The following SRGAP2 variants were observed in gnomAD, a reference collection of about 807,000 sequenced individuals.
The protein encoded by SRGAP2 is SLIT-ROBO Rho GTPase activating protein 2.
In SRGAP2, 15 loss-of-function variants were observed where a neutral mutation model predicts 57.2. The observed-to-expected ratio is 0.26, with a 90% confidence interval of 0.18 to 0.40. SRGAP2 has a LOEUF of 0.40. Ranked by LOEUF, SRGAP2 falls within the 10% of genes least tolerant of loss-of-function variation. SRGAP2 has a pLI of 1.00. For synonymous variants in SRGAP2, 249 were observed against 248.0 expected, an observed-to-expected ratio of 1.00 and a Z score of -0.04; for missense variants, 520 against 669.6, an observed-to-expected ratio of 0.78 and a Z score of 2.47.
At chr1:206,238,828 T>C (rs1262159737) in intron 2 of SRGAP2, among the ~76,000 whole-genome samples, 2 of 151,052 alleles carry the variant, frequency 1.3e-5, no homozygotes, top group Non-Finnish European at 3.0e-5. Flanking sequence ...GCCTGTCACT[T>C]TTCTTCCCAG....
intron 10 of SRGAP2, among the ~76,000 whole-genome samples, chr1:206,411,001 C>T (rs1213051828): frequency 6.6e-6 from 1 of 152,194 alleles, no homozygotes; most frequent in Non-Finnish European, 1.5e-5. Context: ...GCTGGGATTG[C>T]AGGCACACGC....
chr1:206,357,334 T>C (rs1396328708), intron 4 of SRGAP2, among the ~76,000 whole-genome samples: 4 of 150,890 alleles, frequency 2.7e-5, no homozygotes, highest in South Asian at 4.2e-4. Context: ...AAATAATAAT[T>C]ACTTGGAATC....
chr1:206,203,800 C>T (rs782037569), intron 1 of SRGAP2, 150 bp downstream of exon 1: 7 of 1,532,704 alleles, frequency 4.6e-6, no homozygotes, highest in Non-Finnish European at 6.2e-6. Flanking sequence ...CTCAGACCGC[C>T]CCCCCTCCAC....
At chr1:206,313,440 C>A (rs1672819195) in intron 3 of SRGAP2, among the ~76,000 whole-genome samples, 2 of 141,412 alleles carry the variant, frequency 1.4e-5, no homozygotes, top group African/African-American at 5.4e-5. Flanking sequence ...GAGATTTGAA[C>A]AAAGCTTTAA....
At chr1:206,237,187 G>A (rs1312724396) in intron 2 of SRGAP2, among the ~76,000 whole-genome samples, 16 of 151,630 alleles carry the variant, frequency 1.1e-4, no homozygotes, top group African/African-American at 1.7e-4. Context: ...TCTTGAACCC[G>A]GGAGGCAAAG....
chr1:206,415,490 C>A (rs879986954), intron 10 of SRGAP2, among the ~76,000 whole-genome samples: 5 of 152,112 alleles, frequency 3.3e-5, no homozygotes, highest in African/African-American at 4.8e-5. Context: ...AATGTCCCCC[C>A]CTCCTCCCAC....
At chr1:206,386,193 C>G (rs537430020) in intron 5 of SRGAP2, among the ~76,000 whole-genome samples, 1 of 152,290 alleles carries the variant, frequency 6.6e-6, no homozygotes, top group East Asian at 1.9e-4. Context: ...GTGCACAGGG[C>G]AGCTCCCACA....
rs1490912963 is a variant in SRGAP2, at chr1:206,301,325, G to A, written c.68-1956G>A. ...GCTGGGATTACAGGCGTGAGCCACCGCGCCTGGCACTTGGTTCTTACTGAA... is the reference window on the plus strand; with the variant it reads ...GCTGGGATTACAGGCGTGAGCCACCACGCCTGGCACTTGGTTCTTACTGAA... On this transcript the variant is annotated intron_variant, in intron 2 of 22. Transcript: ENST00000573034. Among the ~76,000 whole-genome samples the A allele has an allele frequency of 1.2e-4, 19 of 152,152 alleles. No individual in the cohort carries two copies. The East Asian group carries it at 1.7e-3, about 14-fold the overall frequency.
intron 17 of SRGAP2, among the ~76,000 whole-genome samples, chr1:206,442,294 G>T (rs1310639318): frequency 3.9e-5 from 6 of 152,206 alleles, no homozygotes; most frequent in African/African-American, 1.2e-4. Context: ...CTGCCTTTGG[G>T]TTGAACACCC....
intron 10 of SRGAP2, among the ~76,000 whole-genome samples, chr1:206,415,312 T>C (rs891442986): frequency 1.5e-4 from 23 of 152,234 alleles, no homozygotes; most frequent in South Asian, 2.1e-4. Flanking sequence ...AAGTCGGGGA[T>C]GTCAGCCCCT....
At chr1:206,354,860 T>C (rs1676319301) in intron 4 of SRGAP2, among the ~76,000 whole-genome samples, 1 of 148,734 alleles carries the variant, frequency 6.7e-6, no homozygotes, top group East Asian at 2.0e-4. Context: ...CTCCCTCTCC[T>C]TGTTTCCTCC....
intron 17 of SRGAP2, 21 bp downstream of exon 17, chr1:206,440,102 A>G (rs1009626544): frequency 3.8e-6 from 3 of 779,668 alleles, no homozygotes; most frequent in Admixed American, 3.4e-5. Context: ...TTCCCAGTGA[A>G]CAGCTGGATC....
In SRGAP2 at chr1:206,332,141, C is replaced by G. The variant is rs1435345563; in HGVS notation, c.261-10705C>G. 1.2e-3 allele frequency among the ~76,000 whole-genome samples: 112 copies of G among 91,664 alleles called. 1 individual carries two copies. Among genetic ancestry groups the G allele is most frequent in the African/African-American group, 5.0e-3 (109 of 21,904 alleles). 60.1% of individuals were successfully genotyped at this position (91,664 alleles called of 152,430 possible). ...TAAGAATGTTGAATATTGGCCCCCA[C>G]TCTCTTCTGGCTTGTAGGGTTTCTG... On this transcript the variant is annotated intron_variant, in intron 3 of 22. Coordinates refer to ENST00000573034, the MANE Select transcript of SRGAP2 (RefSeq NM_015326.5).
chr1:206,230,627 G>A (rs185956295), intron 2 of SRGAP2, among the ~76,000 whole-genome samples: 1,915 of 151,732 alleles, frequency 0.013, 20 homozygotes, highest in Middle Eastern at 0.034. Context: ...TCATGGAGCT[G>A]TATTTTTTTT....
intron 5 of SRGAP2, among the ~76,000 whole-genome samples, chr1:206,387,403 G>A (rs1395261317): frequency 7.1e-6 from 1 of 141,636 alleles, no homozygotes; most frequent in Non-Finnish European, 1.5e-5. Context: ...TTGGGAAGCT[G>A]CTTGCTGTAT....
chr1:206,321,252 T>C (rs1558305602), intron 3 of SRGAP2, among the ~76,000 whole-genome samples: 1 of 139,270 alleles, frequency 7.2e-6, no homozygotes, highest in Non-Finnish European at 1.5e-5. Flanking sequence ...CACACACTTT[T>C]GGCAGGAATA....
Position 206,372,964 on chromosome 1 carries a change from C to CTTTCCTTTCTTT in SRGAP2, c.424-11050_424-11049insTTTCCTTTCTTT, listed in dbSNP as rs1553342935. Reference sequence around the variant, plus strand: ...CTTTCTTTCTTTCTTTCTTTTCTTTCCTTTCTTTCTTTCTTTCTTTCTTTC... The same window carrying CTTTCCTTTCTTT: ...CTTTCTTTCTTTCTTTCTTTTCTTTCTTTCCTTTCTTTCTTTCTTTCTTTCTTTCTTTCTTTC... On this transcript the variant is annotated intron_variant, in intron 4 of 22. Transcript: ENST00000573034. Among the ~76,000 whole-genome samples the CTTTCCTTTCTTT allele has an allele frequency of 5.1e-4, 12 of 23,342 alleles. 1 individual carries two copies. Among genetic ancestry groups the CTTTCCTTTCTTT allele is most frequent in the East Asian group, 2.1e-3 (1 of 480 alleles). The allele number at this position is 23,342 out of a possible 152,430, so 15.3% of individuals were successfully genotyped here. A position where few individuals can be genotyped will look rare whatever the true frequency, so the allele number is the denominator to read the frequency against.
intron 2 of SRGAP2, among the ~76,000 whole-genome samples, chr1:206,277,173 C>G (rs1670464568): frequency 1.4e-5 from 2 of 146,784 alleles, no homozygotes. Context: ...CCATGTTGTT[C>G]AGGCCATCTA....
chr1:206,443,770 C>T (rs1234700024), intron 17 of SRGAP2, among the ~76,000 whole-genome samples: 6 of 152,136 alleles, frequency 3.9e-5, no homozygotes. Flanking sequence ...ATTATTAACA[C>T]CATGACATTT....
Sources: allele counts gnomAD v4.1 joint callset (sites outside exome capture counted in the v4.1 genomes callset), GRCh38; gene constraint gnomAD v4.1.1; transcripts MANE v1.5; gene names NCBI Gene and HGNC (gene_info 2026-07-23, HGNC 2026-07-21).